Variants in UBR1 observed in about 807,000 individuals in gnomAD.
UBR1 encodes the protein ubiquitin protein ligase E3 component n-recognin 1, also known as E3 ubiquitin-protein ligase UBR1.
In UBR1, 102 loss-of-function variants were observed where a neutral mutation model predicts 242.1. That is an observed-to-expected ratio of 0.42 (90% CI 0.36 to 0.50). UBR1 has a LOEUF of 0.50. Among genes scored for constraint, UBR1 ranks in the 20% least tolerant of loss-of-function variants. The pLI, the probability that UBR1 is intolerant of heterozygous loss-of-function variation, is 0.01. For missense variants in UBR1, 1,772 were observed against 2,101.8 expected (o/e 0.84, Z 3.07); for synonymous variants, 675 against 684.8 (o/e 0.99, Z 0.22).
At chr15:42,952,155 G>T (rs2031844398) in intron 45 of UBR1, 123 bp downstream of exon 45, 2 of 1,213,576 alleles carry the variant, frequency 1.6e-6, no homozygotes, top group Non-Finnish European at 1.2e-6. Context: ...GTCAATAACA[G>T]GTTAATACTC....
intron 46 of UBR1, among the ~76,000 whole-genome samples, chr15:42,945,800 G>C (rs536223483): frequency 1.3e-5 from 2 of 152,206 alleles, no homozygotes; most frequent in Non-Finnish European, 2.9e-5. Flanking sequence ...TAGCTTTTTG[G>C]CTTCATATTG....
At chr15:43,024,669 A>C (rs2033155769) in intron 25 of UBR1, among the ~76,000 whole-genome samples, 160 bp downstream of exon 25, 1 of 152,190 alleles carries the variant, frequency 6.6e-6, no homozygotes, top group African/African-American at 2.4e-5. Context: ...AAAACACGAG[A>C]TCACTAAAAA....
At chr15:43,017,222 T>A (rs753721270) in intron 27 of UBR1, 41 bp from the exon 28 acceptor site, 2 of 1,397,948 alleles carry the variant, frequency 1.4e-6, no homozygotes, top group East Asian at 4.6e-5. Flanking sequence ...TTAGTTAGAC[T>A]GTTAGACCGA....
intron 44 of UBR1, among the ~76,000 whole-genome samples, chr15:42,954,553 G>C (rs1040123176): frequency 6.6e-6 from 1 of 151,970 alleles, no homozygotes; most frequent in African/African-American, 2.4e-5. Flanking sequence ...GTCAAAGAGG[G>C]GCTCTTTAAG....
At chr15:43,016,497 C>T (rs1205718357) in intron 28 of UBR1, among the ~76,000 whole-genome samples, 1 of 152,086 alleles carries the variant, frequency 6.6e-6, no homozygotes, top group Admixed American at 6.6e-5. Flanking sequence ...CTAAAACATG[C>T]TGTTGATGAA....
At position 42,948,601 on chromosome 15, in the gene UBR1, C is replaced by G. The variant is rs1280679689; in HGVS notation, c.5108+1661G>C. ...AATTTACAAGAAACAAACAAACAAC[C>G]CCATCAAAAAGTGGGCAAAGGACAT... On this transcript the variant is annotated intron_variant, in intron 46 of 46. Coordinates refer to ENST00000290650, the MANE Select transcript of UBR1 (RefSeq NM_174916.3). 2.0e-5 allele frequency among the ~76,000 whole-genome samples: 3 copies of G among 150,372 alleles called. No homozygotes were observed. The East Asian group carries it at 5.9e-4, about 29-fold the overall frequency.
chr15:42,950,440 G>A, intron 45 of UBR1, 77 bp from the exon 46 acceptor site: 2 of 1,260,228 alleles, frequency 1.6e-6, no homozygotes, highest in South Asian at 1.2e-5. Context: ...TGTTAACCTA[G>A]AGAAAAGACG....
At chr15:42,960,538 C>G in intron 43 of UBR1, 107 bp downstream of exon 43, 2 of 1,125,832 alleles carry the variant, frequency 1.8e-6, no homozygotes, top group Admixed American at 3.7e-5. Flanking sequence ...GAACACTGTA[C>G]TGAGTGAGAA....
intron 4 of UBR1, among the ~76,000 whole-genome samples, chr15:43,073,531 A>C (rs963512278): frequency 3.3e-5 from 5 of 152,218 alleles, no homozygotes; most frequent in African/African-American, 1.2e-4. Flanking sequence ...ATTCTTATTG[A>C]AAAGGCAGGA....
In UBR1 at chr15:43,046,094, A is replaced by G. The variant is rs551441945; in HGVS notation, c.1668+1067T>C. Among the ~76,000 whole-genome samples, 245 of 152,354 alleles carry G rather than the reference A, an allele frequency of 1.6e-3. 2 individuals carry two copies. Among genetic ancestry groups the G allele is most frequent in the Non-Finnish European group, 2.6e-3 (177 of 68,042 alleles). ...GAAGTGTTAGGAGCTATAAGTGAAG[A>G]TACTAAATGTAGATGACTTCAGAAG... On this transcript the variant is annotated intron_variant, in intron 14 of 46. Transcript: ENST00000290650.
At chr15:42,970,497 T>G in intron 40 of UBR1, 23 bp downstream of exon 40, 1 of 1,601,190 alleles carries the variant, frequency 6.2e-7, no homozygotes. Context: ...TACAATAGAC[T>G]GAACTAATGG....
At chr15:42,999,361 A>G (rs1479443409) in intron 32 of UBR1, among the ~76,000 whole-genome samples, 1 of 152,224 alleles carries the variant, frequency 6.6e-6, no homozygotes, top group Non-Finnish European at 1.5e-5. Flanking sequence ...GAGCTCCCTG[A>G]CAACTCTGTC....
chr15:42,991,889 C>A (rs1431871089), intron 33 of UBR1, among the ~76,000 whole-genome samples: 2 of 152,076 alleles, frequency 1.3e-5, no homozygotes, highest in Non-Finnish European at 1.5e-5. Context: ...TAGGCACACA[C>A]CACCAAACAG....
intron 45 of UBR1, 84 bp from the exon 46 acceptor site, chr15:42,950,447 G>A: frequency 8.5e-7 from 1 of 1,170,062 alleles, no homozygotes. Context: ...CTAGAGAAAA[G>A]ACGTGGCCAA....
intron 6 of UBR1, among the ~76,000 whole-genome samples, chr15:43,066,588 C>T (rs1296951048): frequency 6.6e-6 from 1 of 152,036 alleles, no homozygotes; most frequent in African/African-American, 2.4e-5. Context: ...TTCTTCCCAT[C>T]CATGAAGATG....
chr15:43,058,502 T>A, intron 9 of UBR1, 73 bp from the exon 10 acceptor site: 1 of 958,134 alleles, frequency 1.0e-6, no homozygotes, highest in Non-Finnish European at 1.7e-6. Flanking sequence ...ATTCTGGCTA[T>A]TAGAGTGGCA....
At chr15:43,024,738 G>A (rs2033157230) in intron 25 of UBR1, 91 bp downstream of exon 25, 19 of 1,563,118 alleles carry the variant, frequency 1.2e-5, no homozygotes, top group Non-Finnish European at 1.6e-5. Context: ...TGCTCTAGAT[G>A]TGGTTCCAAC....
intron 15 of UBR1, among the ~76,000 whole-genome samples, chr15:43,042,529 T>C (rs1347257233): frequency 6.6e-6 from 1 of 151,860 alleles, no homozygotes; most frequent in Non-Finnish European, 1.5e-5. Flanking sequence ...GAGGAGGCAA[T>C]GGGGAGGTAT....
chr15:43,015,648 A>G lies in UBR1; in HGVS notation c.3209+40T>C, dbSNP rs768175936. ...ACCCAAGAATGATCAATTTAAAAAA[A>G]AAAAATTGAGTTGGTAATTTTTGGT... is the stretch of plus-strand genomic sequence containing the variant. On this transcript the variant is annotated intron_variant, in intron 29 of 46. Coordinates refer to ENST00000290650, the MANE Select transcript of UBR1 (RefSeq NM_174916.3). 13 of 1,607,154 alleles carry G rather than the reference A, an allele frequency of 8.1e-6. No individual in the cohort carries two copies. The African/African-American group carries it at 1.5e-4, about 18-fold the overall frequency.
Sources: allele counts gnomAD v4.1 joint callset (sites outside exome capture counted in the v4.1 genomes callset), GRCh38; gene constraint gnomAD v4.1.1; transcripts MANE v1.5; gene names NCBI Gene and HGNC (gene_info 2026-07-23, HGNC 2026-07-21).